Variants in TMEM26 observed in about 807,000 individuals in gnomAD.
The protein encoded by TMEM26 is transmembrane protein 26.
In TMEM26, 38 loss-of-function variants were observed where a neutral mutation model predicts 28.8. That is an observed-to-expected ratio of 1.32 (90% CI 1.02 to 1.73). TMEM26 has a LOEUF of 1.73. Ranked by LOEUF, TMEM26 falls within the 40% of genes most tolerant of loss-of-function variation. TMEM26 has a pLI of 0.00. For synonymous variants in TMEM26, 227 were observed against 182.9 expected (o/e 1.24, Z -1.95); for missense variants, 518 against 447.1 (o/e 1.16, Z -1.43).
chr10:61,452,891 C>A lies in TMEM26; in HGVS notation c.191G>T (p.Trp64Leu), dbSNP rs749381940. 1.9e-6 allele frequency: 3 copies of A among 1,610,628 alleles called. No homozygotes were observed. Among genetic ancestry groups the A allele is most frequent in the Non-Finnish European group, 2.5e-6 (3 of 1,177,194 alleles). Residue 64 changes from tryptophan to leucine, a missense_variant and splice_region_variant, in exon 1 of 6, where the codon TGG becomes TTG. Trp to Leu is a moderately conservative substitution (Grantham distance 61). Transcript: ENST00000399298. The stretch of plus-strand genomic sequence containing the variant: ...CCTCGCTTTCCCGGGGCACTCTCAC[C>A]ATTTGTAGCCTCTGCCGCGCTTGAA... ...LKFKRGRGYK[W>L]FSPAIFLYLI...
intron 4 of TMEM26, among the ~76,000 whole-genome samples, chr10:61,420,351 G>A (rs1472964892): frequency 6.6e-6 from 1 of 152,034 alleles, no homozygotes; most frequent in Non-Finnish European, 1.5e-5. Flanking sequence ...GGGTGGAAGA[G>A]GTGGAAGAGG....
At chr10:61,447,590 G>A (rs1840205394) in intron 1 of TMEM26, among the ~76,000 whole-genome samples, 1 of 152,170 alleles carries the variant, frequency 6.6e-6, no homozygotes, top group African/African-American at 2.4e-5. Flanking sequence ...ATGAAGTATT[G>A]TAAAGTTAAA....
At chr10:61,413,300 G>A (rs1030908565) in intron 5 of TMEM26, among the ~76,000 whole-genome samples, 159 bp downstream of exon 5, 19 of 152,186 alleles carry the variant, frequency 1.2e-4, no homozygotes, top group Middle Eastern at 3.4e-3. Context: ...CACTCTTCTT[G>A]GCTTACTAAG....
At chr10:61,449,417 T>C (rs2135340129) in intron 1 of TMEM26, among the ~76,000 whole-genome samples, 1 of 152,364 alleles carries the variant, frequency 6.6e-6, no homozygotes, top group South Asian at 2.1e-4. Flanking sequence ...CCTGGACAGC[T>C]GAGCTCAGCA....
chr10:61,432,075 G>A (rs1387089528), intron 2 of TMEM26, among the ~76,000 whole-genome samples: 1 of 151,924 alleles, frequency 6.6e-6, no homozygotes, highest in Non-Finnish European at 1.5e-5. Context: ...TATTTTTATG[G>A]CTGTGTAGTA....
At chr10:61,437,444 C>T (rs1010037779) in intron 1 of TMEM26, among the ~76,000 whole-genome samples, 4 of 152,036 alleles carry the variant, frequency 2.6e-5, no homozygotes, top group Admixed American at 6.5e-5. Flanking sequence ...ATAAATGTGT[C>T]CTTAAAATGC....
chr10:61,416,995 C>T (rs779008768), intron 4 of TMEM26, among the ~76,000 whole-genome samples: 15 of 151,916 alleles, frequency 9.9e-5, no homozygotes, highest in Non-Finnish European at 1.8e-4. Flanking sequence ...AATTATCAAA[C>T]ACAATTTTGG....
intron 3 of TMEM26, 51 bp downstream of exon 3, chr10:61,431,168 C>T (rs1247842148): frequency 2.1e-6 from 3 of 1,460,884 alleles, no homozygotes; most frequent in Non-Finnish European, 1.9e-6. Flanking sequence ...GAGGATTATA[C>T]CAAGTCCACC....
intron 4 of TMEM26, among the ~76,000 whole-genome samples, chr10:61,420,318 G>T (rs1346758101): frequency 6.6e-6 from 1 of 152,090 alleles, no homozygotes; most frequent in Admixed American, 6.6e-5. Flanking sequence ...AACAGGAGAG[G>T]CTGGTTGGTC....
chr10:61,434,921 T>C (rs1340370881), intron 2 of TMEM26, among the ~76,000 whole-genome samples: 1 of 152,212 alleles, frequency 6.6e-6, no homozygotes, highest in Non-Finnish European at 1.5e-5. Flanking sequence ...TTCTCGAAGA[T>C]CTTTTCTAAA....
intron 4 of TMEM26, among the ~76,000 whole-genome samples, chr10:61,426,906 G>A (rs1839842494): frequency 6.6e-6 from 1 of 151,956 alleles, no homozygotes; most frequent in African/African-American, 2.4e-5. Flanking sequence ...CAGGAAATCA[G>A]AACATGGAAG....
intron 1 of TMEM26, among the ~76,000 whole-genome samples, chr10:61,439,719 G>A (rs1434297599): frequency 1.3e-5 from 2 of 152,168 alleles, no homozygotes; most frequent in Admixed American, 6.5e-5. Flanking sequence ...CCATCTCATA[G>A]TGTAGTTATG....
chr10:61,430,629 A>C (rs1214782827), intron 3 of TMEM26, among the ~76,000 whole-genome samples: 1 of 151,948 alleles, frequency 6.6e-6, no homozygotes, highest in African/African-American at 2.4e-5. Flanking sequence ...TGTGGGATAA[A>C]AGGTTGATAT....
chr10:61,417,680 A>G (rs1839676104), intron 4 of TMEM26, among the ~76,000 whole-genome samples: 1 of 152,058 alleles, frequency 6.6e-6, no homozygotes, highest in Non-Finnish European at 1.5e-5. Context: ...GGGAAATGTT[A>G]GTAATGCTGT....
Position 61,411,422 on chromosome 10 carries a change from G to A in TMEM26, c.683-676C>T, listed in dbSNP as rs940319870. ...GCTTAAGAAACGGAGCAAAGTGTAC[G>A]TGGCTCTGATCATTCTATATACTCT... On this transcript the variant is annotated intron_variant, in intron 5 of 5. Coordinates refer to ENST00000399298, the MANE Select transcript of TMEM26 (RefSeq NM_178505.8). Among the ~76,000 whole-genome samples, 63 of 152,180 alleles carry A rather than the reference G, an allele frequency of 4.1e-4. 1 individual carries two copies. The highest frequency in any genetic ancestry group is 4.1e-3 in the Admixed American group (62 of 15,280).
chr10:61,443,571 G>C (rs1289440576), intron 1 of TMEM26, among the ~76,000 whole-genome samples: 1 of 152,094 alleles, frequency 6.6e-6, no homozygotes, highest in South Asian at 2.1e-4. Context: ...ACTTCAAATG[G>C]GTTGAGAAAA....
At chr10:61,415,236 A>G in intron 4 of TMEM26, 1 of 784,720 alleles carries the variant, frequency 1.3e-6, no homozygotes, top group Non-Finnish European at 1.5e-6. Context: ...ATTTTCCCTA[A>G]TTGTTATCTA....
At chr10:61,446,729 G>A (rs1469157839) in intron 1 of TMEM26, among the ~76,000 whole-genome samples, 1 of 143,852 alleles carries the variant, frequency 7.0e-6, no homozygotes, top group East Asian at 2.1e-4. Flanking sequence ...CAAGGCAGGG[G>A]AATCGCTTGA....
At chr10:61,431,850 G>T (rs1451920232) in intron 2 of TMEM26, among the ~76,000 whole-genome samples, 2 of 151,928 alleles carry the variant, frequency 1.3e-5, no homozygotes, top group Non-Finnish European at 2.9e-5. Context: ...CATAGTACCT[G>T]ATAAGCAGCC....
Sources: gnomAD v4.1 joint callset for allele counts (sites outside exome capture counted in the v4.1 genomes callset) on GRCh38, gnomAD v4.1.1 for gene constraint, MANE v1.5 for transcripts, NCBI Gene and HGNC (gene_info 2026-07-23, HGNC 2026-07-21) for gene names.